The following COG5 variants were observed in gnomAD, a reference collection of about 807,000 sequenced individuals.
COG5 encodes conserved oligomeric Golgi complex subunit 5.
Under a neutral mutation model 110.4 loss-of-function variants are expected in COG5, and 86 were observed. The observed-to-expected ratio is 0.78, with a 90% CI of 0.65 to 0.93. COG5 has a LOEUF of 0.93. Ranked by LOEUF, COG5 falls within the 40% of genes least tolerant of loss-of-function variation. The pLI, the probability that COG5 is intolerant of heterozygous loss-of-function variation, is 0.00. For synonymous variants in COG5, 360 were observed against 334.6 expected (o/e 1.08, Z -0.83); for missense variants, 1,077 against 987.0 (o/e 1.09, Z -1.22).
chr7:107,349,158 T>C (rs1371929669), intron 10 of COG5, among the ~76,000 whole-genome samples: 1 of 152,230 alleles, frequency 6.6e-6, no homozygotes, highest in South Asian at 2.1e-4. Flanking sequence ...CATTACCAAT[T>C]TACAGAAGTA....
intron 7 of COG5, among the ~76,000 whole-genome samples, chr7:107,394,122 C>G (rs1167831713): frequency 2.0e-5 from 3 of 151,922 alleles, no homozygotes; most frequent in Admixed American, 6.6e-5. Context: ...CCACCACGCC[C>G]AGCTAATTTT....
rs565406505 is a variant in COG5, at chr7:107,298,444, G to A, written c.1109-98C>T. 2.9e-5 allele frequency: 27 copies of A among 922,260 alleles called. No individual in the cohort carries two copies. In the East Asian group the frequency reaches 3.7e-4, roughly 13 times the overall value. The allele number at this position is 922,260 out of a possible 1,614,324, so 57.1% of individuals were successfully genotyped here. A position where few individuals can be genotyped will look rare whatever the true frequency, so the allele number is the denominator to read the frequency against. On this transcript the variant is annotated intron_variant, in intron 11 of 21. Transcript: ENST00000297135. ...TATGTTCCAAATAACCCATACTATAGGGCAAACCAAAGACGTGTTCTAATG... is the reference window on the plus strand; with the variant it reads ...TATGTTCCAAATAACCCATACTATAAGGCAAACCAAAGACGTGTTCTAATG...
chr7:107,229,911 C>T (rs1168011987), intron 19 of COG5, among the ~76,000 whole-genome samples: 4 of 144,184 alleles, frequency 2.8e-5, no homozygotes, highest in African/African-American at 5.2e-5. Context: ...GGTGCACTGG[C>T]GTGATCTCGG....
rs530943076 is a variant in COG5 at position 107,516,133 on chromosome 7, A to G, written c.538+11104T>C. On this transcript the variant is annotated intron_variant, in intron 6 of 21. Transcript: ENST00000297135. The stretch of plus-strand genomic sequence containing the variant: ...ACTATTACATAATAACCTGCATTAA[A>G]AAGTACAATAAATATGTCTGCACTA... Among the ~76,000 whole-genome samples, 4 of 152,362 alleles carry G rather than the reference A, an allele frequency of 2.6e-5. No homozygotes were observed. In the East Asian group the frequency reaches 7.7e-4, roughly 29 times the overall value.
intron 2 of COG5, among the ~76,000 whole-genome samples, chr7:107,555,554 G>A (rs1035716096): frequency 6.6e-6 from 1 of 152,058 alleles, no homozygotes; most frequent in Non-Finnish European, 1.5e-5. Flanking sequence ...CTACTGATAC[G>A]GTCATCAATA....
At chr7:107,387,122 T>C (rs748890016) in intron 7 of COG5, among the ~76,000 whole-genome samples, 15 of 152,074 alleles carry the variant, frequency 9.9e-5, no homozygotes, top group Admixed American at 2.6e-4. Flanking sequence ...AATCGAGTAT[T>C]TCTTTTAACA....
intron 16 of COG5, 28 bp downstream of exon 16, chr7:107,256,700 GATCT>G (rs761989337): frequency 4.0e-6 from 6 of 1,483,168 alleles, no homozygotes; most frequent in Non-Finnish European, 5.6e-6. Context: ...AAACCACTTT[GATCT>G]ATAGAGTCAA....
chr7:107,509,294 C>A (rs561424123), intron 6 of COG5, among the ~76,000 whole-genome samples: 34 of 151,928 alleles, frequency 2.2e-4, no homozygotes, highest in African/African-American at 8.2e-4. Flanking sequence ...AGAAAGGGTA[C>A]CAGTGATGGA....
chr7:107,485,902 C>T (rs1302550312), intron 6 of COG5, among the ~76,000 whole-genome samples: 1 of 152,004 alleles, frequency 6.6e-6, no homozygotes, highest in Non-Finnish European at 1.5e-5. Context: ...CTGTAGAAAA[C>T]AAATGGCACT....
Position 107,210,569 on chromosome 7 carries a change from G to A in COG5, c.2332C>T (p.Leu778=). 1 of 1,605,218 alleles carries A rather than the reference G, an allele frequency of 6.2e-7. No individual in the cohort carries two copies. Among genetic ancestry groups the A allele is most frequent in the South Asian group, 1.1e-5 (1 of 88,846 alleles). Residue 778 remains leucine, a synonymous_variant, in exon 21 of 22, where the codon CTG becomes TTG. Coordinates refer to ENST00000297135, the MANE Select transcript of COG5 (RefSeq NM_006348.5). The part of the protein sequence containing the change: ...EWSHTRFSQW[L]DDHPSEKDRL... ...TCCTTTTCAGATGGATGGTCATCCA[G>A]CCACTGAGAGAAGCGTGTGTGGGAC...
intron 6 of COG5, chr7:107,472,340 T>C (rs1796684762): frequency 6.6e-6 from 1 of 152,014 alleles, no homozygotes; most frequent in South Asian, 2.1e-4. Flanking sequence ...TGATATCATG[T>C]ATCAATTTGC....
At position 107,350,090 on chromosome 7, in the gene COG5, A is replaced by T. The variant is rs1460553415; in HGVS notation, c.1026+11943T>A. Among the ~76,000 whole-genome samples the T allele has an allele frequency of 2.0e-5, 3 of 152,182 alleles. No individual in the cohort carries two copies. The East Asian group carries it at 5.8e-4, about 29-fold the overall frequency. On this transcript the variant is annotated intron_variant, in intron 10 of 21. Transcript: ENST00000297135. Reference sequence around the variant, plus strand: ...GCCTAGAACTTTTTATCAGACATAGATGTTGGATTCTGTCAAATGCTGTTC... The same window carrying T: ...GCCTAGAACTTTTTATCAGACATAGTTGTTGGATTCTGTCAAATGCTGTTC...
rs11561990 is a variant in COG5 at position 107,562,068 on chromosome 7, A to G, written c.94+1735T>C. 7.8e-4 allele frequency among the ~76,000 whole-genome samples: 119 copies of G among 152,356 alleles called. 2 individuals carry two copies. In the East Asian group the frequency reaches 0.021, roughly 27 times the overall value. Reference sequence around the variant, plus strand: ...GGGAAAAAAGGTGCAACAGATGGTTATACGTTGAGGTTAAATTCATAGGTT... The same window carrying G: ...GGGAAAAAAGGTGCAACAGATGGTTGTACGTTGAGGTTAAATTCATAGGTT... On this transcript the variant is annotated intron_variant, in intron 1 of 21. Transcript: ENST00000297135.
chr7:107,360,322 C>T (rs1003093672), intron 10 of COG5, among the ~76,000 whole-genome samples: 17 of 152,212 alleles, frequency 1.1e-4, no homozygotes, highest in African/African-American at 4.1e-4. Context: ...TCCTCTCTGC[C>T]TTGCTCACCT....
chr7:107,423,622 C>G (rs925760672), intron 6 of COG5, among the ~76,000 whole-genome samples: 2 of 148,412 alleles, frequency 1.3e-5, no homozygotes, highest in African/African-American at 5.0e-5. Context: ...AAAACACTAG[C>G]AAATGTGATT....
chr7:107,318,148 C>T (rs1301569483), intron 11 of COG5, among the ~76,000 whole-genome samples: 1 of 152,098 alleles, frequency 6.6e-6, no homozygotes, highest in African/African-American at 2.4e-5. Flanking sequence ...CTGCCTCAGC[C>T]TCCGGAGCAG....
intron 6 of COG5, among the ~76,000 whole-genome samples, chr7:107,454,414 GA>G (rs1175312944): frequency 1.3e-5 from 2 of 152,100 alleles, no homozygotes; most frequent in Non-Finnish European, 2.9e-5. Flanking sequence ...GTATTACAGG[GA>G]AAAAATAATA....
Position 107,258,327 on chromosome 7 carries a change from TCTC to T in COG5, c.1629_1631del (p.Arg545del). 1 of 1,613,462 alleles carries T rather than the reference TCTC, an allele frequency of 6.2e-7. No individual in the cohort carries two copies. ...ATGAATTCACTACTGCCACATTTCT[TCTC>T]TGTCCTTCAGTAAGAGGCCCAATCA... On this transcript the variant is annotated inframe_deletion, in exon 15 of 22. Coordinates refer to ENST00000297135, the MANE Select transcript of COG5 (RefSeq NM_006348.5).
At chr7:107,504,819 T>G (rs1798871580) in intron 6 of COG5, among the ~76,000 whole-genome samples, 1 of 152,188 alleles carries the variant, frequency 6.6e-6, no homozygotes, top group African/African-American at 2.4e-5. Context: ...AATGATCTAT[T>G]GCGTTCTGTG....
Sources: allele counts gnomAD v4.1 joint callset (sites outside exome capture counted in the v4.1 genomes callset), GRCh38; gene constraint gnomAD v4.1.1; transcripts MANE v1.5; gene names NCBI Gene and HGNC (gene_info 2026-07-23, HGNC 2026-07-21).